ZBTB20: variants seen among roughly 807,000 people sequenced by gnomAD.
ZBTB20 encodes zinc finger and BTB domain containing 20.
A neutral mutation model predicts 56.9 loss-of-function variants in ZBTB20; 9 were observed. The ratio of observed to expected loss-of-function variants is 0.16; its 90% CI spans 0.10 to 0.28. ZBTB20 has a LOEUF of 0.28. Among genes scored for constraint, ZBTB20 ranks in the 10% least tolerant of loss-of-function variants. The probability of loss-of-function intolerance (pLI) is 1.00; values close to 1 mark genes in which losing one functional copy is unlikely to be tolerated. For missense variants in ZBTB20, 655 were observed against 1,003.0 expected (o/e 0.65, Z 4.69); for synonymous variants, 417 against 420.7 (o/e 0.99, Z 0.11).
intron 5 of ZBTB20, among the ~76,000 whole-genome samples, chr3:114,769,038 G>C (rs1008046003): frequency 6.6e-6 from 1 of 152,068 alleles, no homozygotes; most frequent in Non-Finnish European, 1.5e-5. Context: ...TTTTATTTTG[G>C]CACACAGTAA....
At position 114,753,393 on chromosome 3, in the gene ZBTB20, ATG is replaced by A. The variant is rs2067739907; in HGVS notation, c.-343+47706_-343+47707del. Among the ~76,000 whole-genome samples, 35 of 141,944 alleles carry A rather than the reference ATG, an allele frequency of 2.5e-4. 14 individuals are homozygous for A. The South Asian group carries it at 5.8e-3, about 23-fold the overall frequency. The allele number at this position is 141,944 out of a possible 152,430, so 93.1% of individuals were successfully genotyped here. On this transcript the variant is annotated intron_variant, in intron 5 of 11. Coordinates refer to ENST00000675478, the MANE Select transcript of ZBTB20 (RefSeq NM_001348800.3). Reference sequence around the variant, plus strand: ...ATATAATGTATATACACATACATGTATGTATATATATACACACACGTATATAT... The same window carrying A: ...ATATAATGTATATACACATACATGTATATATATATACACACACGTATATAT...
At chr3:115,071,934 CA>C (rs1172122535) in intron 1 of ZBTB20, among the ~76,000 whole-genome samples, 14 of 152,190 alleles carry the variant, frequency 9.2e-5, no homozygotes, top group African/African-American at 3.4e-4. Flanking sequence ...TCATGCATGC[CA>C]GAGGGATGTG....
Position 114,839,197 on chromosome 3 carries a change from T to G in ZBTB20, c.-416-38023A>C, listed in dbSNP as rs190155131. Among the ~76,000 whole-genome samples the G allele has an allele frequency of 3.5e-3, 531 of 152,162 alleles. 1 individual carries two copies. Among genetic ancestry groups the G allele is most frequent in the South Asian group, 0.016 (75 of 4,810 alleles). On this transcript the variant is annotated intron_variant, in intron 4 of 11. Transcript: ENST00000675478. ...GGGCAGATTGTTTGAGCTCAAGAGT[T>G]CAAGACCAGCTTTGGCAATGTGCCA...
At chr3:114,686,073 TTCTC>T (rs2062324674) in intron 6 of ZBTB20, among the ~76,000 whole-genome samples, 2 of 152,210 alleles carry the variant, frequency 1.3e-5, no homozygotes, top group Admixed American at 1.3e-4. Flanking sequence ...GCTAAGTGAT[TTCTC>T]TCTGTCTTTT....
chr3:114,653,412 C>T (rs998064795), intron 6 of ZBTB20, among the ~76,000 whole-genome samples: 1 of 151,876 alleles, frequency 6.6e-6, no homozygotes, highest in African/African-American at 2.4e-5. Context: ...TATTAGGATG[C>T]ATTTACAGTG....
At chr3:115,035,214 T>C (rs1041201208) in intron 2 of ZBTB20, among the ~76,000 whole-genome samples, 2 of 151,974 alleles carry the variant, frequency 1.3e-5, no homozygotes, top group African/African-American at 4.8e-5. Flanking sequence ...AAAAGACAAA[T>C]TGAGCTTCAT....
chr3:115,106,110 C>T (rs2083714950), intron 1 of ZBTB20, among the ~76,000 whole-genome samples: 1 of 152,056 alleles, frequency 6.6e-6, no homozygotes. Context: ...GCCACCGTGC[C>T]CAGACAAGAA....
chr3:114,665,857 C>G (rs1327757411), intron 6 of ZBTB20, among the ~76,000 whole-genome samples: 2 of 152,006 alleles, frequency 1.3e-5, no homozygotes, highest in African/African-American at 4.8e-5. Flanking sequence ...GCCATGGAAG[C>G]TTTCTAATAA....
At chr3:115,118,227 C>T (rs2084077237) in intron 1 of ZBTB20, among the ~76,000 whole-genome samples, 1 of 152,048 alleles carries the variant, frequency 6.6e-6, no homozygotes, top group Non-Finnish European at 1.5e-5. Flanking sequence ...TGGAGTCTCA[C>T]TCTGTTGCCC....
chr3:114,992,582 A>G (rs977306461), intron 2 of ZBTB20, among the ~76,000 whole-genome samples: 2 of 151,960 alleles, frequency 1.3e-5, no homozygotes, highest in South Asian at 4.1e-4. Flanking sequence ...CTAGAGCACC[A>G]TAGCCACATA....
intron 5 of ZBTB20, among the ~76,000 whole-genome samples, chr3:114,777,098 A>T (rs1024836161): frequency 1.3e-5 from 2 of 152,200 alleles, no homozygotes; most frequent in African/African-American, 4.8e-5. Flanking sequence ...TGTATTATAA[A>T]AATAAAGATC....
intron 6 of ZBTB20, among the ~76,000 whole-genome samples, chr3:114,648,035 AT>A (rs1473316384): frequency 1.3e-5 from 2 of 152,210 alleles, no homozygotes; most frequent in South Asian, 4.1e-4. Flanking sequence ...TGGTATGCAA[AT>A]TTTAACTAAA....
At chr3:114,465,178 T>G (rs2092490485) in intron 7 of ZBTB20, among the ~76,000 whole-genome samples, 2 of 152,158 alleles carry the variant, frequency 1.3e-5, no homozygotes, top group Non-Finnish European at 2.9e-5. Flanking sequence ...GGTAAGTTTG[T>G]TCTAGATTAA....
At position 114,800,454 on chromosome 3, in the gene ZBTB20, G is replaced by A. The variant is rs751925766; in HGVS notation, c.-343+647C>T. Among the ~76,000 whole-genome samples, 3 of 151,840 alleles carry A rather than the reference G, an allele frequency of 2.0e-5. No individual in the cohort carries two copies. The Admixed American group carries it at 2.0e-4, about 10-fold the overall frequency. On this transcript the variant is annotated intron_variant, in intron 5 of 11. Coordinates refer to ENST00000675478, the MANE Select transcript of ZBTB20 (RefSeq NM_001348800.3). ...ACCAGACTGTGGTAGACTCTGACATGCATTTATGGAACAATGGGGCTCTGA... is the reference window on the plus strand; with the variant it reads ...ACCAGACTGTGGTAGACTCTGACATACATTTATGGAACAATGGGGCTCTGA...
chr3:114,641,569 C>T (rs1399185222), intron 6 of ZBTB20, among the ~76,000 whole-genome samples: 1 of 151,572 alleles, frequency 6.6e-6, no homozygotes, highest in Non-Finnish European at 1.5e-5. Flanking sequence ...AGTAGAAAGA[C>T]TAGTTTGTAA....
chr3:114,553,377 C>T (rs1021779815), intron 6 of ZBTB20, among the ~76,000 whole-genome samples: 1 of 152,126 alleles, frequency 6.6e-6, no homozygotes, highest in Non-Finnish European at 1.5e-5. Flanking sequence ...AACACTTAGC[C>T]TCTTCATACC....
chr3:114,915,687 A>G (rs2075716402), intron 3 of ZBTB20, among the ~76,000 whole-genome samples: 1 of 151,744 alleles, frequency 6.6e-6, no homozygotes, highest in South Asian at 2.1e-4. Context: ...TTTTTTATTG[A>G]AAGTTTTTCT....
chr3:114,835,739 A>G (rs1185990871), intron 4 of ZBTB20, among the ~76,000 whole-genome samples: 1 of 152,158 alleles, frequency 6.6e-6, no homozygotes, highest in African/African-American at 2.4e-5. Flanking sequence ...AGATACCTAA[A>G]GACCTTTTTG....
At chr3:114,977,803 T>A (rs1200472230) in intron 2 of ZBTB20, among the ~76,000 whole-genome samples, 2 of 152,052 alleles carry the variant, frequency 1.3e-5, no homozygotes, top group Non-Finnish European at 2.9e-5. Context: ...CTACTTAAAA[T>A]TAAAAATTTT....
Sources: allele counts gnomAD v4.1 joint callset (sites outside exome capture counted in the v4.1 genomes callset), GRCh38; gene constraint gnomAD v4.1.1; transcripts MANE v1.5; gene names NCBI Gene and HGNC (gene_info 2026-07-23, HGNC 2026-07-21).